Variants in LRRC72 observed in about 807,000 individuals in gnomAD.
LRRC72 encodes leucine-rich repeat-containing protein 72.
A neutral mutation model predicts 35.8 loss-of-function variants in LRRC72; 41 were observed. The observed-to-expected ratio is 1.15, with a 90% confidence interval of 0.89 to 1.49. The LOEUF (loss-of-function observed/expected upper bound fraction) is 1.49. Ranked by LOEUF, LRRC72 falls within the 40% of genes most tolerant of loss-of-function variation. The pLI is 0.00. For synonymous variants in LRRC72, 118 were observed against 119.2 expected (o/e 0.99, Z 0.07); for missense variants, 389 against 330.7 (o/e 1.18, Z -1.37).
At position 16,542,220 on chromosome 7, in the gene LRRC72, T is replaced by C. The variant is rs373323084; in HGVS notation, c.234+4524T>C. ...AACTACTCATTGAATATTCACAAAA[T>C]GGACTTGCAGATGCACCTGCGCTTA... On this transcript the variant is annotated intron_variant, in intron 3 of 8. Transcript: ENST00000401542. Among the ~76,000 whole-genome samples, 3 of 152,270 alleles carry C rather than the reference T, an allele frequency of 2.0e-5. No individual in the cohort carries two copies. The East Asian group carries it at 5.8e-4, about 29-fold the overall frequency.
At chr7:16,543,716 G>A (rs1782398690) in intron 3 of LRRC72, among the ~76,000 whole-genome samples, 1 of 152,116 alleles carries the variant, frequency 6.6e-6, no homozygotes, top group Admixed American at 6.6e-5. Flanking sequence ...GGAGGTTCCT[G>A]GGAGAGGCTC....
chr7:16,539,882 C>G, intron 3 of LRRC72, among the ~76,000 whole-genome samples: 1 of 152,184 alleles, frequency 6.6e-6, no homozygotes, highest in East Asian at 1.9e-4. Context: ...TATGGAAATG[C>G]CTGAATGTCT....
Position 16,550,337 on chromosome 7 carries a change from G to A in LRRC72, c.235-7023G>A, listed in dbSNP as rs533384434. 1.2e-4 allele frequency among the ~76,000 whole-genome samples: 19 copies of A among 152,272 alleles called. 1 individual carries two copies. In the South Asian group the frequency reaches 3.9e-3, roughly 32 times the overall value. On this transcript the variant is annotated intron_variant, in intron 3 of 8. Coordinates refer to ENST00000401542, the MANE Select transcript of LRRC72 (RefSeq NM_001195280.2). ...TATCTCTAAATCGATGTTCTTCTTA[G>A]ACAATATGGGGTATTTATTCTTTCT...
Position 16,537,587 on chromosome 7 carries a change from C to A in LRRC72, c.165-40C>A, listed in dbSNP as rs766756519. Reference sequence around the variant, plus strand: ...ATGCCCAGACTTACCTATGTGTGAACTAATTGTTGCTAATGTTCACATTTT... The same window carrying A: ...ATGCCCAGACTTACCTATGTGTGAAATAATTGTTGCTAATGTTCACATTTT... On this transcript the variant is annotated intron_variant, in intron 2 of 8. Transcript: ENST00000401542. 9 of 1,268,398 alleles carry A rather than the reference C, an allele frequency of 7.1e-6. No individual in the cohort carries two copies. In the South Asian group the frequency reaches 9.8e-5, roughly 14 times the overall value. 78.6% of individuals were successfully genotyped at this position (1,268,398 alleles called of 1,614,324 possible).
intron 3 of LRRC72, among the ~76,000 whole-genome samples, chr7:16,549,583 T>G (rs769289301): frequency 6.6e-6 from 1 of 152,186 alleles, no homozygotes; most frequent in Non-Finnish European, 1.5e-5. Context: ...TCTCTACATC[T>G]CTACCATCAC....
intron 5 of LRRC72, among the ~76,000 whole-genome samples, chr7:16,562,413 G>A (rs1455145041): frequency 6.6e-6 from 1 of 152,190 alleles, no homozygotes; most frequent in African/African-American, 2.4e-5. Context: ...CCACTCTCCT[G>A]TTCTAAACCT....
intron 5 of LRRC72, among the ~76,000 whole-genome samples, chr7:16,565,307 C>T (rs1350554326): frequency 6.6e-6 from 1 of 152,082 alleles, no homozygotes; most frequent in East Asian, 1.9e-4. Context: ...GTGGCAGGCG[C>T]CTGTAATCCC....
Position 16,567,454 on chromosome 7 carries a change from T to C in LRRC72, c.581T>C (p.Val194Ala), listed in dbSNP as rs1782865734. 6.5e-7 allele frequency: 1 copy of C among 1,532,658 alleles called. No individual in the cohort carries two copies. The highest frequency in any genetic ancestry group is 1.4e-5 in the African/African-American group (1 of 72,126). 94.9% of individuals were successfully genotyped at this position (1,532,658 alleles called of 1,614,324 possible). A position where few individuals can be genotyped will look rare whatever the true frequency, so the allele number is the denominator to read the frequency against. Residue 194 changes from valine (V) to alanine (A), a missense_variant, in exon 7 of 9, where the codon GTT becomes GCT. Val to Ala is a moderately conservative substitution (Grantham distance 64). Transcript: ENST00000401542. Reference protein sequence around the residue: ...TIFNHKKAHIVQSIAFGGKVD... With the variant: ...TIFNHKKAHIAQSIAFGGKVD... ...TTTAACCATAAAAAGGCTCATATCGTTCAATCAATAGCATTCGGAGGAAAA... is the reference window on the plus strand; with the variant it reads ...TTTAACCATAAAAAGGCTCATATCGCTCAATCAATAGCATTCGGAGGAAAA...
chr7:16,574,712 G>A (rs1049269503), intron 7 of LRRC72, among the ~76,000 whole-genome samples: 3 of 151,952 alleles, frequency 2.0e-5, no homozygotes, highest in East Asian at 1.9e-4. Context: ...ATGGGTTGAC[G>A]GGTGCAGCAA....
chr7:16,532,426 C>G (rs1404171), intron 1 of LRRC72, 69 bp from the exon 2 acceptor site: 10 of 1,072,744 alleles, frequency 9.3e-6, no homozygotes, highest in Non-Finnish European at 1.4e-5. Context: ...GTTATTGTTA[C>G]TGACTGCAAG....
chr7:16,568,870 A>T (rs1185368642), intron 7 of LRRC72, among the ~76,000 whole-genome samples: 1 of 152,228 alleles, frequency 6.6e-6, no homozygotes, highest in Non-Finnish European at 1.5e-5. Context: ...GAAAGTTTTT[A>T]AAATGCTGAG....
chr7:16,575,832 T>A (rs1232940711), intron 7 of LRRC72, among the ~76,000 whole-genome samples: 1 of 152,124 alleles, frequency 6.6e-6, no homozygotes, highest in East Asian at 1.9e-4. Flanking sequence ...ATGCACACAA[T>A]AACAAACAAT....
chr7:16,574,420 C>T (rs1039494629), intron 7 of LRRC72, among the ~76,000 whole-genome samples: 21 of 152,098 alleles, frequency 1.4e-4, no homozygotes, highest in Admixed American at 1.4e-3. Context: ...CAATGATAGA[C>T]TGGATAAAGA....
intron 3 of LRRC72, among the ~76,000 whole-genome samples, chr7:16,547,692 G>T (rs1782472310): frequency 6.6e-6 from 1 of 152,242 alleles, no homozygotes; most frequent in African/African-American, 2.4e-5. Context: ...ACACACACTT[G>T]AGGCAATGCT....
intron 7 of LRRC72, among the ~76,000 whole-genome samples, chr7:16,571,765 G>A (rs900776440): frequency 6.6e-5 from 10 of 152,096 alleles, no homozygotes; most frequent in African/African-American, 2.2e-4. Flanking sequence ...AAAACTGGGC[G>A]GCCATTTGGG....
chr7:16,557,312 T>C lies in LRRC72; in HGVS notation c.235-48T>C, dbSNP rs1312522284. ...TCAGGTTATTTATATTGATGTAATA[T>C]ATACAGTTATTATAGAAAGTATATT... On this transcript the variant is annotated intron_variant, in intron 3 of 8. Coordinates refer to ENST00000401542, the MANE Select transcript of LRRC72 (RefSeq NM_001195280.2). 4 of 549,800 alleles carry C rather than the reference T, an allele frequency of 7.3e-6. No homozygotes were observed. In the African/African-American group the frequency reaches 7.9e-5, roughly 11 times the overall value. 34.1% of individuals were successfully genotyped at this position (549,800 alleles called of 1,614,324 possible). A position where few individuals can be genotyped will look rare whatever the true frequency, so the allele number is the denominator to read the frequency against.
At chr7:16,559,278 C>A (rs1782703779) in intron 5 of LRRC72, among the ~76,000 whole-genome samples, 1 of 151,934 alleles carries the variant, frequency 6.6e-6, no homozygotes, top group African/African-American at 2.4e-5. Context: ...CCTGTAATCC[C>A]AGCTACTTGA....
intron 3 of LRRC72, among the ~76,000 whole-genome samples, chr7:16,554,426 T>C (rs1554394932): frequency 6.6e-6 from 1 of 152,222 alleles, no homozygotes; most frequent in Non-Finnish European, 1.5e-5. Flanking sequence ...AACAACTTGC[T>C]ATCTTGCAAT....
intron 7 of LRRC72, among the ~76,000 whole-genome samples, chr7:16,576,350 TA>T (rs1783040493): frequency 6.6e-6 from 1 of 152,220 alleles, no homozygotes; most frequent in Admixed American, 6.5e-5. Flanking sequence ...AGAGTAATTC[TA>T]AGAGAAATAT....
Sources: allele counts gnomAD v4.1 joint callset (sites outside exome capture counted in the v4.1 genomes callset), GRCh38; gene constraint gnomAD v4.1.1; transcripts MANE v1.5; gene names NCBI Gene and HGNC (gene_info 2026-07-23, HGNC 2026-07-21).